Variants in NES observed in about 807,000 individuals in gnomAD.
The protein encoded by NES is nestin.
A neutral mutation model predicts 35.6 loss-of-function variants in NES; 27 were observed. The observed-to-expected ratio is 0.76, with a 90% CI of 0.56 to 1.04. NES has a LOEUF of 1.04. Ranked by LOEUF, NES falls within the 50% of genes least tolerant of loss-of-function variation. The pLI is 0.00. For missense variants in NES, 1,867 were observed against 1,983.6 expected (o/e 0.94, Z 1.12); for synonymous variants, 822 against 824.2 (o/e 1.00, Z 0.04).
At position 156,676,539 on chromosome 1, in the gene NES, C is replaced by A; in HGVS notation, c.726G>T (p.Leu242Phe). ...RGGLLERRAA[L>F]EQRLEGRWQE... ...GCCAGCGGCCCTCCAACCTCTGTTC[C>A]AACGCTGCCCTGCGCTCCAGGAGGC... The change falls in exon 1 of 4, where the codon TTG becomes TTT. Residue 242 changes from leucine (L) to phenylalanine (F), a missense_variant. Leu to Phe is a conservative substitution (Grantham distance 22, BLOSUM62 0). Transcript: ENST00000368223. The surrounding 1 kb of genome is among the most constrained non-coding windows in gnomAD (Gnocchi z 5.3). The A allele has an allele frequency of 6.3e-7, 1 of 1,596,218 alleles. No individual in the cohort carries two copies. Among genetic ancestry groups the A allele is most frequent in the South Asian group, 1.1e-5 (1 of 90,740 alleles).
Position 156,670,991 on chromosome 1 carries a change from A to G in NES, c.3197T>C (p.Leu1066Pro). 6.2e-7 allele frequency: 1 copy of G among 1,610,472 alleles called. No homozygotes were observed. Among genetic ancestry groups the G allele is most frequent in the South Asian group, 1.1e-5 (1 of 90,856 alleles). The change falls in exon 4 of 4, where the codon CTG becomes CCG. Residue 1066 changes from leucine to proline, a missense_variant. Leu to Pro is a moderately conservative substitution (Grantham distance 98, BLOSUM62 -3). Transcript: ENST00000368223. Reference sequence around the variant, plus strand: ...CCCTGGGGCCACATCATCTTCCACCAGGGGCTCTATCGCCTCTGGCAGCCC... The same window carrying G: ...CCCTGGGGCCACATCATCTTCCACCGGGGGCTCTATCGCCTCTGGCAGCCC... ...PQGLPEAIEP[L>P]VEDDVAPGGD...
chr1:156,671,698 C>T lies in NES; in HGVS notation c.2490G>A (p.Lys830=), dbSNP rs1679736738. The T allele has an allele frequency of 6.2e-7, 1 of 1,613,786 alleles. No homozygotes were observed. The highest frequency in any genetic ancestry group is 8.5e-7 in the Non-Finnish European group (1 of 1,179,984). ...TTTCCAGGTTCTCTTGTCCCGCAGA[C>T]TTCAGTGATTCTAGGATCTCTGTTT... is the stretch of plus-strand genomic sequence containing the variant. The part of the protein sequence containing the change: ...SLETEILESL[K]SAGQENLETL... The change falls in exon 4 of 4, where the codon AAG becomes AAA. Residue 830 remains lysine (K), a synonymous_variant. Coordinates refer to ENST00000368223, the MANE Select transcript of NES (RefSeq NM_006617.2).
rs935707145 is a variant in NES, at chr1:156,669,210, A to G, written c.*112T>C. 3 of 703,038 alleles carry G rather than the reference A, an allele frequency of 4.3e-6. No individual in the cohort carries two copies. The highest frequency in any genetic ancestry group is 3.1e-4 in the Middle Eastern group (1 of 3,210). The allele number at this position is 703,038 out of a possible 1,614,324, so 43.5% of individuals were successfully genotyped here. On this transcript the variant is annotated 3_prime_UTR_variant, in exon 4 of 4. Coordinates refer to ENST00000368223, the MANE Select transcript of NES (RefSeq NM_006617.2). ...GCCAGGCCTCTCAGCCAGAAACCAT[A>G]TGTCAAGAGATCGTAAGTTAAGAGT...
Position 156,672,781 on chromosome 1 carries a change from G to C in NES, c.1407C>G (p.Pro469=). The part of the protein sequence containing the change: ...SPEDHASLAP[P]LSPDHSSLEA... ...CTAAACTGGAGTGGTCAGGGCTGAG[G>C]GGTGGTGCCAAGGAGGCATGGTCCT... Residue 469 remains proline, a synonymous_variant, in exon 4 of 4, where the codon CCC becomes CCG. Transcript: ENST00000368223. 1 of 1,613,528 alleles carries C rather than the reference G, an allele frequency of 6.2e-7. No individual in the cohort carries two copies. Among genetic ancestry groups the C allele is most frequent in the Non-Finnish European group, 8.5e-7 (1 of 1,180,036 alleles).
chr1:156,675,428 A>G, intron 1 of NES, 88 bp from the exon 2 acceptor site: 1 of 1,452,788 alleles, frequency 6.9e-7, no homozygotes, highest in Non-Finnish European at 9.2e-7. Context: ...GCTGCCCGGG[A>G]AGCACCTCCT....
chr1:156,669,993 C>T lies in NES; in HGVS notation c.4195G>A (p.Asp1399Asn). The change falls in exon 4 of 4, where the codon GAT (aspartate) becomes AAT (asparagine). Residue 1399 changes from aspartate (D) to asparagine (N), a missense_variant. Coordinates refer to ENST00000368223, the MANE Select transcript of NES (RefSeq NM_006617.2). ...PLGQVPQLLL[D>N]PAAWDRDGES... ...CCATCTCGATCCCAGGCTGCAGGAT[C>T]CAGTAGCAGCTGGGGCACCTGGCCC... 1.2e-6 allele frequency: 2 copies of T among 1,613,856 alleles called. No homozygotes were observed. The highest frequency in any genetic ancestry group is 1.7e-6 in the Non-Finnish European group (2 of 1,179,950).
At position 156,672,423 on chromosome 1, in the gene NES, G is replaced by C; in HGVS notation, c.1765C>G (p.Leu589Val). The C allele has an allele frequency of 6.2e-7, 1 of 1,611,562 alleles. No individual in the cohort carries two copies. Among genetic ancestry groups the C allele is most frequent in the South Asian group, 1.1e-5 (1 of 90,692 alleles). Residue 589 changes from leucine to valine, a missense_variant, in exon 4 of 4, where the codon CTA (leucine) becomes GTA (valine). By Grantham distance (32) the Leu-to-Val change is conservative (BLOSUM62 1). Coordinates refer to ENST00000368223, the MANE Select transcript of NES (RefSeq NM_006617.2). ...AATAGCTCTTTATTTTCCTTTTCTA[G>C]ACTTTTTAGTGTTTCTAAGTCTTCT... ...LEEDLETLKS[L>V]EKENKELLKD...
At chr1:156,673,397 C>G in intron 3 of NES, 57 bp downstream of exon 3, 3 of 1,510,614 alleles carry the variant, frequency 2.0e-6, no homozygotes, top group Non-Finnish European at 1.8e-6. Context: ...AAAGATAGGT[C>G]TGGGTATGAA....
rs1170928596 is a variant in NES at position 156,673,217 on chromosome 1, G to T, written c.983-12C>A. ...CTCCAGCTTGGGGTCTGGAAAGGCAGAGGGGGAAGAAACAGCATCAGTATA... is the reference window on the plus strand; with the variant it reads ...CTCCAGCTTGGGGTCTGGAAAGGCATAGGGGGAAGAAACAGCATCAGTATA... On this transcript the variant is annotated splice_polypyrimidine_tract_variant and intron_variant, in intron 3 of 3. Transcript: ENST00000368223. 12 of 1,495,532 alleles carry T rather than the reference G, an allele frequency of 8.0e-6. No individual in the cohort carries two copies. The highest frequency in any genetic ancestry group is 8.0e-6 in the Non-Finnish European group (9 of 1,121,290). The allele number at this position is 1,495,532 out of a possible 1,614,324, so 92.6% of individuals were successfully genotyped here.
At position 156,676,666 on chromosome 1, in the gene NES, A is replaced by T; in HGVS notation, c.599T>A (p.Met200Lys). 6.6e-7 allele frequency: 1 copy of T among 1,518,228 alleles called. No individual in the cohort carries two copies. Among genetic ancestry groups the T allele is most frequent in the Non-Finnish European group, 8.7e-7 (1 of 1,145,832 alleles). The allele number at this position is 1,518,228 out of a possible 1,614,324, so 94.0% of individuals were successfully genotyped here. ...GCGGGCCTGGCCCAGCGACGTCTCC[A>T]TGTGTGCCACGCGCTCCTGGTAGCC... ...VRGYQERVAH[M>K]ETSLGQARER... Residue 200 changes from methionine (M) to lysine (K), a missense_variant, in exon 1 of 4, where the codon ATG (methionine) becomes AAG (lysine). Transcript: ENST00000368223. The surrounding 1 kb of genome is among the most constrained non-coding windows in gnomAD (Gnocchi z 5.3).
At chr1:156,675,038 G>A (rs910081125) in intron 2 of NES, among the ~76,000 whole-genome samples, 178 bp downstream of exon 2, 15 of 152,230 alleles carry the variant, frequency 9.9e-5, no homozygotes, top group African/African-American at 3.6e-4. Context: ...AGCCTATGGG[G>A]GAGCAGACGG....
intron 2 of NES, 106 bp downstream of exon 2, chr1:156,675,110 A>T: frequency 7.1e-7 from 1 of 1,405,116 alleles, no homozygotes; most frequent in Non-Finnish European, 9.8e-7. Flanking sequence ...ACCCAGTGGC[A>T]GCAGAGTTGC....
chr1:156,670,581 AAG>A lies in NES; in HGVS notation c.3605_3606del (p.Pro1202LeufsTer9), dbSNP rs1679697416. ...LGHTGSDAPS[P>X]WPLGSEEAEE... Reference sequence around the variant, plus strand: ...TCAGCTTCCTCTGACCCCAGAGGCCAAGGTGAAGGGGCATCACTTCCAGTGTG... The same window carrying A: ...TCAGCTTCCTCTGACCCCAGAGGCCAGTGAAGGGGCATCACTTCCAGTGTG... On this transcript the variant is annotated frameshift_variant, in exon 4 of 4. Coordinates refer to ENST00000368223, the MANE Select transcript of NES (RefSeq NM_006617.2). LOFTEE classifies it low-confidence loss of function (END_TRUNC). 6.2e-7 allele frequency: 1 copy of A among 1,613,222 alleles called. No individual in the cohort carries two copies. Among genetic ancestry groups the A allele is most frequent in the Non-Finnish European group, 8.5e-7 (1 of 1,179,650 alleles).
chr1:156,675,406 C>T, intron 1 of NES, 66 bp from the exon 2 acceptor site: 1 of 1,513,858 alleles, frequency 6.6e-7, no homozygotes, highest in Non-Finnish European at 8.8e-7. Flanking sequence ...AACCTGCCTC[C>T]TGCCCGCTGC....
chr1:156,671,874 G>A lies in NES; in HGVS notation c.2314C>T (p.Gln772Ter). 1 of 1,613,926 alleles carries A rather than the reference G, an allele frequency of 6.2e-7. No individual in the cohort carries two copies. The highest frequency in any genetic ancestry group is 8.5e-7 in the Non-Finnish European group (1 of 1,179,972). ...TQQRRRSLGE[Q>*]DQMTLRPPEK... ...GGGGGTCTTAATGTCATCTGATCCT[G>A]TTCCCCTAGAGACCTCCGTCGCTGT... Residue 772 changes from glutamine (Q) to a stop codon, truncating the protein, a stop_gained, in exon 4 of 4, where the codon CAG becomes TAG. Coordinates refer to ENST00000368223, the MANE Select transcript of NES (RefSeq NM_006617.2). LOFTEE classifies it low-confidence loss of function (END_TRUNC).
chr1:156,673,331 C>T, intron 3 of NES, 123 bp downstream of exon 3: 1 of 1,304,218 alleles, frequency 7.7e-7, no homozygotes, highest in South Asian at 1.4e-5. Flanking sequence ...GGGCTGAGAG[C>T]ATGCTCACTG....
chr1:156,671,122 C>T lies in NES; in HGVS notation c.3066G>A (p.Gln1022=). The change falls in exon 4 of 4, where the codon CAG becomes CAA. Residue 1022 remains glutamine (Q), a synonymous_variant. Coordinates refer to ENST00000368223, the MANE Select transcript of NES (RefSeq NM_006617.2). The stretch of plus-strand genomic sequence containing the variant: ...CACTGGCTCCCTCAACCAGGCCTCT[C>T]TGCTCTTTGGGCTCAGGGCTCTCTG... ...GHPESPEPKE[Q]RGLVEGASVK... 3.1e-6 allele frequency: 5 copies of T among 1,614,144 alleles called. No individual in the cohort carries two copies. The highest frequency in any genetic ancestry group is 4.2e-6 in the Non-Finnish European group (5 of 1,180,020).
chr1:156,675,484 CCCTATT>C, intron 1 of NES, 144 bp from the exon 2 acceptor site: 1 of 948,898 alleles, frequency 1.1e-6, no homozygotes, highest in South Asian at 1.8e-5. Context: ...GCCTCCCCTA[CCCTATT>C]CCCTGCCCAG....
rs568817091 is a variant in NES, at chr1:156,676,947, C to A, written c.318G>T (p.Thr106=). The change falls in exon 1 of 4, where the codon ACG becomes ACT. Residue 106 remains threonine (T), a synonymous_variant. Coordinates refer to ENST00000368223, the MANE Select transcript of NES (RefSeq NM_006617.2). This position sits in a 1 kb window ranked among gnomAD's most constrained non-coding sequence, Gnocchi z 5.3. ...CGCGCCGGTTGCGGGCTACCTCCTC[C>A]GTCGTCCGCTCCCGGGCCAGCCGCA... ...QQLRLARERT[T]EEVARNRRAV... 2.3e-4 allele frequency: 355 copies of A among 1,555,546 alleles called. 1 individual carries two copies. The South Asian group carries it at 3.9e-3, about 17-fold the overall frequency.
Sources: gnomAD v4.1 joint callset for allele counts (sites outside exome capture counted in the v4.1 genomes callset) on GRCh38, gnomAD v4.1.1 for gene constraint, Gnocchi (gnomAD v3.1) non-coding constraint, MANE v1.5 for transcripts, NCBI Gene and HGNC (gene_info 2026-07-23, HGNC 2026-07-21) for gene names.